The following NR2C1 variants were observed in gnomAD, a reference collection of about 807,000 sequenced individuals.
The protein encoded by NR2C1 is nuclear receptor subfamily 2 group C member 1.
In NR2C1, 33 loss-of-function variants were observed where a neutral mutation model predicts 74.8. The observed-to-expected ratio is 0.44, with a 90% CI of 0.33 to 0.59. The LOEUF (loss-of-function observed/expected upper bound fraction) is 0.59. Ranked by LOEUF, NR2C1 falls within the 20% of genes least tolerant of loss-of-function variation. The probability of loss-of-function intolerance (pLI) is 0.02; values close to 1 mark genes in which losing one functional copy is unlikely to be tolerated. For synonymous variants in NR2C1, 225 were observed against 240.6 expected, an observed-to-expected ratio of 0.94 and a Z score of 0.60; for missense variants, 568 against 715.6, an observed-to-expected ratio of 0.79 and a Z score of 2.35.
At chr12:95,063,715 G>A (rs958695180) in intron 2 of NR2C1, among the ~76,000 whole-genome samples, 11 of 151,744 alleles carry the variant, frequency 7.2e-5, no homozygotes, top group African/African-American at 2.7e-4. Flanking sequence ...TCTAAATTTA[G>A]TGTGAAGAAC....
intron 13 of NR2C1, among the ~76,000 whole-genome samples, chr12:95,023,333 G>A (rs767695979): frequency 2.0e-5 from 3 of 152,016 alleles, no homozygotes; most frequent in Non-Finnish European, 4.4e-5. Context: ...GCAGTGAGCC[G>A]AGATCATGCC....
At chr12:95,036,115 T>C (rs537438736) in intron 10 of NR2C1, among the ~76,000 whole-genome samples, 2 of 152,222 alleles carry the variant, frequency 1.3e-5, no homozygotes, top group Non-Finnish European at 2.9e-5. Flanking sequence ...TATTTTGGGA[T>C]GGTAAGGGCA....
chr12:95,023,496 G>A (rs150082176), intron 13 of NR2C1, among the ~76,000 whole-genome samples: 28 of 152,338 alleles, frequency 1.8e-4, no homozygotes, highest in African/African-American at 5.8e-4. Context: ...AAAAACTACT[G>A]GAAGTAGGCA....
chr12:95,048,184 C>A (rs1872541371), intron 9 of NR2C1, among the ~76,000 whole-genome samples: 1 of 152,120 alleles, frequency 6.6e-6, no homozygotes. Flanking sequence ...CCTCAGCCTC[C>A]CAAAGTACTG....
intron 3 of NR2C1, 61 bp from the exon 4 acceptor site, chr12:95,060,045 C>G (rs1874555543): frequency 1.2e-5 from 15 of 1,255,642 alleles, no homozygotes; most frequent in Non-Finnish European, 1.6e-5. Flanking sequence ...CTCAACAGCA[C>G]TCATTCTATT....
chr12:95,060,605 A>G (rs1347445106), intron 3 of NR2C1, among the ~76,000 whole-genome samples: 3 of 152,230 alleles, frequency 2.0e-5, no homozygotes, highest in African/African-American at 7.2e-5. Flanking sequence ...CAGTGAGCCG[A>G]GACTGCACCA....
chr12:95,070,581 C>G (rs917829269), intron 1 of NR2C1, among the ~76,000 whole-genome samples: 1 of 152,170 alleles, frequency 6.6e-6, no homozygotes, highest in Admixed American at 6.5e-5. Flanking sequence ...TTCAACAAAT[C>G]ACTTGTTGAA....
intron 7 of NR2C1, among the ~76,000 whole-genome samples, chr12:95,056,676 C>A (rs1199064602): frequency 6.6e-6 from 1 of 152,138 alleles, no homozygotes; most frequent in Non-Finnish European, 1.5e-5. Context: ...AAGAATTGTA[C>A]GGCTGGGCGT....
At chr12:95,035,851 A>G (rs1410817370) in intron 10 of NR2C1, among the ~76,000 whole-genome samples, 1 of 152,252 alleles carries the variant, frequency 6.6e-6, no homozygotes, top group Non-Finnish European at 1.5e-5. Flanking sequence ...TCTACTTTGC[A>G]GCAGGCAATG....
intron 11 of NR2C1, among the ~76,000 whole-genome samples, chr12:95,029,528 CAAAA>C (rs1018353747): frequency 8.2e-5 from 12 of 147,230 alleles, no homozygotes; most frequent in Admixed American, 1.4e-4. Flanking sequence ...ACCAAACAAA[CAAAA>C]AAAGAAAACT....
chr12:95,036,104 A>G (rs1262009095), intron 10 of NR2C1, among the ~76,000 whole-genome samples: 2 of 152,220 alleles, frequency 1.3e-5, no homozygotes, highest in African/African-American at 4.8e-5. Flanking sequence ...TTTAAGGTTA[A>G]TATTTTGGGA....
At chr12:95,040,636 T>G (rs747679832) in intron 9 of NR2C1, 39 bp from the exon 10 acceptor site, 2 of 1,549,592 alleles carry the variant, frequency 1.3e-6, no homozygotes, top group Admixed American at 1.9e-5. Flanking sequence ...ATCTTATGAC[T>G]GAAAAGTTCT....
At chr12:95,035,091 AT>A (rs1870654570) in intron 10 of NR2C1, among the ~76,000 whole-genome samples, 2 of 152,222 alleles carry the variant, frequency 1.3e-5, no homozygotes, top group African/African-American at 4.8e-5. Flanking sequence ...GAATACTATA[AT>A]AGAAGCCATG....
At chr12:95,057,484 AAAGG>A in intron 7 of NR2C1, 65 bp downstream of exon 7, 4 of 1,140,950 alleles carry the variant, frequency 3.5e-6, no homozygotes, top group Non-Finnish European at 5.0e-6. Flanking sequence ...TTACCAAAGC[AAAGG>A]AAGTGATTAG....
rs1234487647 is a variant in NR2C1 at position 95,057,620 on chromosome 12, C to T, written c.716G>A (p.Gly239Glu). ...STRSTGLLDS[G>E]MFMNIHPSGV... ...AGATGGATGAATATTCATGAACATT[C>T]CTGAATCTAACAGTCCTGTTGACCT... The change falls in exon 7 of 14, where the codon GGA (glycine) becomes GAA (glutamate). Residue 239 changes from glycine (G) to glutamate (E), a missense_variant. Coordinates refer to ENST00000333003, the MANE Select transcript of NR2C1 (RefSeq NM_003297.4). 1.9e-5 allele frequency: 30 copies of T among 1,613,932 alleles called. No homozygotes were observed. The East Asian group carries it at 3.1e-4, about 17-fold the overall frequency.
intron 2 of NR2C1, 131 bp from the exon 3 acceptor site, chr12:95,062,869 A>G: frequency 1.5e-6 from 1 of 666,638 alleles, no homozygotes; most frequent in Non-Finnish European, 2.6e-6. Flanking sequence ...TACCGATTCT[A>G]TTGCCACAAA....
chr12:95,069,587 T>C (rs1876279971), intron 1 of NR2C1, among the ~76,000 whole-genome samples: 2 of 152,244 alleles, frequency 1.3e-5, no homozygotes, highest in Non-Finnish European at 2.9e-5. Flanking sequence ...CTCTATGATG[T>C]TCATCTGTGA....
intron 11 of NR2C1, chr12:95,030,758 C>G: frequency 6.2e-7 from 1 of 1,609,144 alleles, no homozygotes; most frequent in Admixed American, 1.7e-5. Context: ...GCAATTTTCC[C>G]CATTTGTTGA....
intron 8 of NR2C1, among the ~76,000 whole-genome samples, chr12:95,050,366 T>A (rs1205847729): frequency 2.6e-5 from 4 of 152,170 alleles, no homozygotes; most frequent in African/African-American, 9.7e-5. Flanking sequence ...TAGAGTACAG[T>A]GGCGTGACCT....
Sources: gnomAD v4.1 joint callset for allele counts (sites outside exome capture counted in the v4.1 genomes callset) on GRCh38, gnomAD v4.1.1 for gene constraint, MANE v1.5 for transcripts, NCBI Gene and HGNC (gene_info 2026-07-23, HGNC 2026-07-21) for gene names.